Variants in ATP2C2 observed in about 807,000 individuals in gnomAD.
ATP2C2 encodes the protein calcium-transporting ATPase type 2C member 2.
A neutral mutation model predicts 110.8 loss-of-function variants in ATP2C2; 171 were observed. The ratio of observed to expected loss-of-function variants is 1.54; its 90% CI spans 1.36 to 1.75. The LOEUF (loss-of-function observed/expected upper bound fraction) is 1.75. Among genes scored for constraint, ATP2C2 ranks in the 40% most tolerant of loss-of-function variants. The pLI, the probability that ATP2C2 is intolerant of heterozygous loss-of-function variation, is 0.00. For missense variants in ATP2C2, 1,963 were observed against 1,235.0 expected (o/e 1.59, Z -8.84); for synonymous variants, 804 against 508.4 (o/e 1.58, Z -7.82).
chr16:84,453,314 T>G lies in ATP2C2; in HGVS notation c.1930-7T>G. 2 of 1,614,168 alleles carry G rather than the reference T, an allele frequency of 1.2e-6. No individual in the cohort carries two copies. The highest frequency in any genetic ancestry group is 2.7e-5 in the African/African-American group (2 of 75,028). On this transcript the variant is annotated splice_region_variant and splice_polypyrimidine_tract_variant and intron_variant, in intron 19 of 26. Coordinates refer to ENST00000262429, the MANE Select transcript of ATP2C2 (RefSeq NM_014861.4). ...TGATTCTTCGTCTTCCCCGTCTCCG[T>G]GTCCAGGTGTCCGTGTTCTTCAGGA...
At chr16:84,433,936 A>C (rs990809927) in intron 11 of ATP2C2, among the ~76,000 whole-genome samples, 1 of 152,158 alleles carries the variant, frequency 6.6e-6, no homozygotes, top group African/African-American at 2.4e-5. Context: ...GTGGACTTGC[A>C]CGTGGGAGAC....
intron 20 of ATP2C2, among the ~76,000 whole-genome samples, chr16:84,454,545 C>A (rs373485247): frequency 6.6e-6 from 1 of 152,132 alleles, no homozygotes; most frequent in African/African-American, 2.4e-5. Context: ...CTTTACTGAC[C>A]GTGCTGGGCA....
chr16:84,461,527 G>C (rs1167548422), intron 24 of ATP2C2, 187 bp from the exon 25 acceptor site: 6 of 657,702 alleles, frequency 9.1e-6, no homozygotes, highest in Non-Finnish European at 1.6e-5. Context: ...AAATCAGCAT[G>C]TGCTGGGGAG....
chr16:84,374,696 G>C (rs1910152460), intron 1 of ATP2C2, among the ~76,000 whole-genome samples: 2 of 152,116 alleles, frequency 1.3e-5, no homozygotes, highest in African/African-American at 2.4e-5. Flanking sequence ...GTTTTCATTT[G>C]TGTGCACACA....
At chr16:84,398,427 TA>T in intron 1 of ATP2C2, 71 bp from the exon 2 acceptor site, 1 of 932,884 alleles carries the variant, frequency 1.1e-6, no homozygotes, top group Non-Finnish European at 1.5e-6. Flanking sequence ...CTAATAAAAA[TA>T]AAAAATAAAT....
chr16:84,450,329 CCTGGGACA>C (rs1174764114), intron 17 of ATP2C2, among the ~76,000 whole-genome samples: 1 of 152,132 alleles, frequency 6.6e-6, no homozygotes, highest in East Asian at 1.9e-4. Flanking sequence ...GCCTGGCAGG[CCTGGGACA>C]GTGCCCGAGT....
At position 84,446,317 on chromosome 16, in the gene ATP2C2, T is replaced by G; in HGVS notation, c.1402-12T>G. ...GATGACTCACTAAAAATGTGTCATT[T>G]TATTATGCTAGATGGACTTAAGTGA... On this transcript the variant is annotated splice_polypyrimidine_tract_variant and intron_variant, in intron 15 of 26. Transcript: ENST00000262429. 1.3e-6 allele frequency: 2 copies of G among 1,514,772 alleles called. No individual in the cohort carries two copies. Among genetic ancestry groups the G allele is most frequent in the Non-Finnish European group, 1.8e-6 (2 of 1,114,542 alleles). 93.8% of individuals were successfully genotyped at this position (1,514,772 alleles called of 1,614,324 possible). A position where few individuals can be genotyped will look rare whatever the true frequency, so the allele number is the denominator to read the frequency against.
At chr16:84,432,203 C>A (rs1378447007) in intron 11 of ATP2C2, among the ~76,000 whole-genome samples, 1 of 152,186 alleles carries the variant, frequency 6.6e-6, no homozygotes, top group Non-Finnish European at 1.5e-5. Context: ...GATTTTCATG[C>A]ACCCATCACC....
intron 1 of ATP2C2, among the ~76,000 whole-genome samples, chr16:84,389,460 GA>G (rs1361602797): frequency 1.3e-5 from 2 of 152,224 alleles, no homozygotes; most frequent in Non-Finnish European, 2.9e-5. Context: ...AGTCATGGTT[GA>G]ATTTCAAACA....
intron 6 of ATP2C2, among the ~76,000 whole-genome samples, chr16:84,411,168 A>G (rs1906251218): frequency 6.6e-6 from 1 of 152,182 alleles, no homozygotes; most frequent in Admixed American, 6.5e-5. Flanking sequence ...GTCTTTAACA[A>G]GCAGAGCCAT....
At chr16:84,436,673 CCT>C (rs1231869490) in intron 11 of ATP2C2, among the ~76,000 whole-genome samples, 21 of 152,110 alleles carry the variant, frequency 1.4e-4, no homozygotes, top group Admixed American at 2.6e-4. Context: ...CTCAGCCTGG[CCT>C]CGGGTGGAGG....
chr16:84,408,358 GT>G (rs1399720365), intron 3 of ATP2C2, 46 bp from the exon 4 acceptor site: 1 of 1,565,092 alleles, frequency 6.4e-7, no homozygotes, highest in Admixed American at 1.7e-5. Context: ...ACCCATTCTG[GT>G]CCCTGAGACT....
rs1349151701 is a variant in ATP2C2, at chr16:84,423,191, C to G, written c.847C>G (p.Pro283Ala). 1 of 1,613,846 alleles carries G rather than the reference C, an allele frequency of 6.2e-7. No homozygotes were observed. Among genetic ancestry groups the G allele is most frequent in the East Asian group, 2.2e-5 (1 of 44,900 alleles). ...CCCATTGTGCTCACCCTTTCAGACA[C>G]CTAAAACTCCTTTGCAGAAAAGCAT... ...VFKMMQAEET[P>A]KTPLQKSMDR... Residue 283 changes from proline to alanine, a missense_variant, in exon 10 of 27, where the codon CCT (proline) becomes GCT (alanine). Coordinates refer to ENST00000262429, the MANE Select transcript of ATP2C2 (RefSeq NM_014861.4).
chr16:84,445,438 C>T (rs1248599925), intron 15 of ATP2C2, among the ~76,000 whole-genome samples: 1 of 152,072 alleles, frequency 6.6e-6, no homozygotes, highest in Non-Finnish European at 1.5e-5. Context: ...TTGATCTCCT[C>T]ACCCCGTGAT....
At chr16:84,421,703 C>T (rs370137557) in intron 7 of ATP2C2, among the ~76,000 whole-genome samples, 64 of 152,262 alleles carry the variant, frequency 4.2e-4, no homozygotes, top group Middle Eastern at 3.4e-3. Flanking sequence ...ACCAGAGCTT[C>T]GGTTCAAATC....
chr16:84,454,894 A>T lies in ATP2C2; in HGVS notation c.2057A>T (p.Asp686Val), dbSNP rs374053600. 3 of 1,613,958 alleles carry T rather than the reference A, an allele frequency of 1.9e-6. No homozygotes were observed. Among genetic ancestry groups the T allele is most frequent in the Non-Finnish European group, 2.5e-6 (3 of 1,179,968 alleles). ...GACGCAGTGGCCCTGAAGTCTGCAG[A>T]CATTGGGATCGCCATGGGGCAGACA... ...VNDAVALKSA[D>V]IGIAMGQTGT... The change falls in exon 21 of 27, where the codon GAC becomes GTC. Residue 686 changes from aspartate to valine, a missense_variant. Asp to Val is a radical substitution (Grantham distance 152). Coordinates refer to ENST00000262429, the MANE Select transcript of ATP2C2 (RefSeq NM_014861.4).
chr16:84,408,319 CT>C lies in ATP2C2; in HGVS notation c.328-85del, dbSNP rs1905958634. On this transcript the variant is annotated intron_variant, in intron 3 of 26. Transcript: ENST00000262429. ...GAAGCCTGGCCCTGAACTGAGACCCCTGTCACACAAACTTCTGCACAGTAAG... is the reference window on the plus strand; with the variant it reads ...GAAGCCTGGCCCTGAACTGAGACCCCGTCACACAAACTTCTGCACAGTAAG... 3.8e-6 allele frequency: 5 copies of C among 1,315,248 alleles called. No homozygotes were observed. The African/African-American group carries it at 4.4e-5, about 11-fold the overall frequency. The allele number at this position is 1,315,248 out of a possible 1,614,324, so 81.5% of individuals were successfully genotyped here.
chr16:84,404,709 C>A (rs1008149574), intron 2 of ATP2C2: 6 of 351,370 alleles, frequency 1.7e-5, no homozygotes, highest in Non-Finnish European at 2.8e-5. Flanking sequence ...GGGTATATAC[C>A]CCAAAGTGGA....
intron 1 of ATP2C2, among the ~76,000 whole-genome samples, chr16:84,392,055 T>C (rs1446049134): frequency 6.6e-6 from 1 of 152,146 alleles, no homozygotes; most frequent in Non-Finnish European, 1.5e-5. Flanking sequence ...TTTTATACTA[T>C]TTAATTTTGT....
Sources: gnomAD v4.1 joint callset for allele counts (sites outside exome capture counted in the v4.1 genomes callset) on GRCh38, gnomAD v4.1.1 for gene constraint, MANE v1.5 for transcripts, NCBI Gene and HGNC (gene_info 2026-07-23, HGNC 2026-07-21) for gene names.